SLC16A5: variants seen among roughly 807,000 people sequenced by gnomAD.
SLC16A5 encodes the protein monocarboxylate transporter 6.
Under a neutral mutation model 33.2 loss-of-function variants are expected in SLC16A5, and 29 were observed. The observed-to-expected ratio is 0.87, with a 90% CI of 0.65 to 1.19. SLC16A5 has a LOEUF of 1.19. SLC16A5 is among the 50% of genes most tolerant of loss of function. The pLI is 0.00. For synonymous variants in SLC16A5, 248 were observed against 284.1 expected (o/e 0.87, Z 1.28); for missense variants, 606 against 678.2 (o/e 0.89, Z 1.18).
intron 3 of SLC16A5, 60 bp from the exon 4 acceptor site, chr17:75,097,978 C>A: frequency 1.7e-6 from 1 of 601,862 alleles, no homozygotes; most frequent in Non-Finnish European, 2.3e-6. Flanking sequence ...TCCAGCCACT[C>A]TCCTCCTCTC....
chr17:75,092,028 G>GGTGTGTGTGTGTGT (rs535726400), intron 2 of SLC16A5, among the ~76,000 whole-genome samples: 5 of 149,602 alleles, frequency 3.3e-5, no homozygotes, highest in African/African-American at 9.9e-5. Flanking sequence ...ATGTGAGGGG[G>GGTGTGTGTGTGTGT]GTGTGTGTGT....
chr17:75,105,862 T>G lies in SLC16A5; in HGVS notation c.1365-18T>G, dbSNP rs890957675. On this transcript the variant is annotated intron_variant, in intron 6 of 6. Transcript: ENST00000329783. Reference sequence around the variant, plus strand: ...TCCGCAAGAAAACCTTATCAGGAGATTTTATTTTCATGAACAGGTGCCAGT... The same window carrying G: ...TCCGCAAGAAAACCTTATCAGGAGAGTTTATTTTCATGAACAGGTGCCAGT... 1.3e-6 allele frequency: 2 copies of G among 1,569,612 alleles called. No individual in the cohort carries two copies. Among genetic ancestry groups the G allele is most frequent in the African/African-American group, 1.4e-5 (1 of 73,740 alleles).
chr17:75,109,922 C>CCCCGCCCCTCGCCTGCCTCGT (rs533465135), downstream of SLC16A5: 3,573 of 228,296 alleles, frequency 0.016, 51 homozygotes, highest in Non-Finnish European at 0.024. This position sits in a 1 kb window ranked among gnomAD's most constrained non-coding sequence, Gnocchi z 5.0. Context: ...TCGGCGACGG[C>CCCCGCCCCTCGCCTGCCTCGT]CCCGCCCCTT....
At chr17:75,089,566 C>T (rs1286826854) in intron 2 of SLC16A5, among the ~76,000 whole-genome samples, 1 of 151,794 alleles carries the variant, frequency 6.6e-6, no homozygotes, top group Non-Finnish European at 1.5e-5. Flanking sequence ...ACCACCTGGC[C>T]GATATGGTGA....
In SLC16A5 at chr17:75,104,108, C is replaced by A; in HGVS notation, c.1292C>A (p.Ala431Glu). ...GAGCAAGGCAAGCAGGCTGTCGCGG[C>A]GGATGCCCTGGAGCGGGATCTTTTC... ...KKEQGKQAVA[A>E]DALERDLFLE... The change falls in exon 6 of 7, where the codon GCG becomes GAG. Residue 431 changes from alanine (A) to glutamate (E), a missense_variant. Ala to Glu is a moderately radical substitution (Grantham distance 107). Coordinates refer to ENST00000329783, the MANE Select transcript of SLC16A5 (RefSeq NM_004695.4). The A allele has an allele frequency of 6.2e-7, 1 of 1,614,238 alleles. No homozygotes were observed. Among genetic ancestry groups the A allele is most frequent in the Non-Finnish European group, 8.5e-7 (1 of 1,180,046 alleles).
chr17:75,103,314 G>A (rs2073823093), intron 5 of SLC16A5, among the ~76,000 whole-genome samples: 1 of 149,444 alleles, frequency 6.7e-6, no homozygotes, highest in African/African-American at 2.5e-5. Context: ...GTGAGCCACT[G>A]TGCCCATCCA....
chr17:75,101,788 C>A (rs1481968394), intron 5 of SLC16A5, among the ~76,000 whole-genome samples: 1 of 151,808 alleles, frequency 6.6e-6, no homozygotes, highest in East Asian at 2.0e-4. Context: ...GCACATGCCA[C>A]CACACCCAGC....
chr17:75,098,396 A>G (rs1402598124), intron 4 of SLC16A5, among the ~76,000 whole-genome samples: 1 of 151,944 alleles, frequency 6.6e-6, no homozygotes, highest in Non-Finnish European at 1.5e-5. Context: ...AACCCTGTCT[A>G]TACTAAAAAA....
rs114487026 is a variant in SLC16A5 at position 75,100,089 on chromosome 17, G to T, written c.426G>T (p.Ala142=). ...TCCGCCGGCGGGTGCTGGCCAACGCGCTGGCCTCGATGGGCGTCTCCCTGG... is the reference window on the plus strand; with the variant it reads ...TCCGCCGGCGGGTGCTGGCCAACGCTCTGGCCTCGATGGGCGTCTCCCTGG... ...YFVRRRVLAN[A]LASMGVSLGI... is the part of the protein sequence containing the mutation. Residue 142 remains alanine, a synonymous_variant, in exon 5 of 7, where the codon GCG becomes GCT. Coordinates refer to ENST00000329783, the MANE Select transcript of SLC16A5 (RefSeq NM_004695.4). The T allele has an allele frequency of 3.4e-5, 55 of 1,613,882 alleles. No individual in the cohort carries two copies. The East Asian group carries it at 1.1e-3, about 32-fold the overall frequency.
At position 75,100,477 on chromosome 17, in the gene SLC16A5, C is replaced by A. The variant is rs987426692; in HGVS notation, c.814C>A (p.Gln272Lys). The A allele has an allele frequency of 6.2e-7, 1 of 1,614,228 alleles. No individual in the cohort carries two copies. The highest frequency in any genetic ancestry group is 2.2e-5 in the East Asian group (1 of 44,882). The change falls in exon 5 of 7, where the codon CAG (glutamine) becomes AAG (lysine). Residue 272 changes from glutamine to lysine, a missense_variant. Physicochemically the swap from Gln to Lys is moderately conservative, Grantham distance 53. Transcript: ENST00000329783. ...YAMWHSVDEQQAALLISIIGF... is the reference protein window; with the variant it reads ...YAMWHSVDEQKAALLISIIGF... ...CATGTGGCACAGCGTGGACGAGCAGCAGGCAGCCCTCCTCATCTCCATCAT... is the reference window on the plus strand; with the variant it reads ...CATGTGGCACAGCGTGGACGAGCAGAAGGCAGCCCTCCTCATCTCCATCAT...
chr17:75,103,845 A>G (rs1345333739), intron 5 of SLC16A5, 125 bp from the exon 6 acceptor site: 18 of 783,376 alleles, frequency 2.3e-5, no homozygotes, highest in Middle Eastern at 2.6e-4. Context: ...TTGAGTGTCT[A>G]CTGGGTGTCA....
rs553578288 is a variant in SLC16A5 at position 75,104,054 on chromosome 17, G to T, written c.1238G>T (p.Gly413Val). The change falls in exon 6 of 7, where the codon GGT becomes GTT. Residue 413 changes from glycine to valine, a missense_variant. Transcript: ENST00000329783. ...CTCATCTCAGCTGCCCTCTTCATGG[G>T]TGGCAGCTTCTACGCCCTGCAGAAG... is the stretch of plus-strand genomic sequence containing the variant. Reference protein sequence around the residue: ...FFLISAALFMGGSFYALQKKE... With the variant: ...FFLISAALFMVGSFYALQKKE... 5 of 1,614,220 alleles carry T rather than the reference G, an allele frequency of 3.1e-6. No individual in the cohort carries two copies. In the East Asian group the frequency reaches 6.7e-5, roughly 22 times the overall value.
chr17:75,106,592 T>TAAAA (rs1381571531), downstream of SLC16A5, among the ~76,000 whole-genome samples: 769 of 93,440 alleles, frequency 8.2e-3, 18 homozygotes, highest in African/African-American at 0.03. Flanking sequence ...GTCTTTTTTT[T>TAAAA]AAAAAAAAAA....
At chr17:75,096,400 G>C (rs1053293410) in intron 3 of SLC16A5, among the ~76,000 whole-genome samples, 2 of 150,264 alleles carry the variant, frequency 1.3e-5, no homozygotes, top group South Asian at 2.1e-4. Flanking sequence ...AGTCTCTGGC[G>C]TGAGGAAGCT....
rs778534110 is a variant in SLC16A5, at chr17:75,100,307, G to A, written c.644G>A (p.Cys215Tyr). 1 of 1,614,208 alleles carries A rather than the reference G, an allele frequency of 6.2e-7. No individual in the cohort carries two copies. Among genetic ancestry groups the A allele is most frequent in the Non-Finnish European group, 8.5e-7 (1 of 1,180,038 alleles). ...PPPPETPALG[C>Y]LAACGRTIQR... is the part of the protein sequence containing the mutation. ...CCTCCCGAGACACCTGCACTTGGCT[G>A]CCTGGCTGCATGCGGCCGGACCATC... The change falls in exon 5 of 7, where the codon TGC becomes TAC. Residue 215 changes from cysteine (C) to tyrosine (Y), a missense_variant. Cys to Tyr is a radical substitution (Grantham distance 194). Coordinates refer to ENST00000329783, the MANE Select transcript of SLC16A5 (RefSeq NM_004695.4).
intron 3 of SLC16A5, among the ~76,000 whole-genome samples, chr17:75,097,502 G>A (rs1019971904): frequency 8.0e-6 from 1 of 124,540 alleles, no homozygotes; most frequent in Non-Finnish European, 1.7e-5. Flanking sequence ...GCGCAGAGGG[G>A]CCCAGGGTTC....
At chr17:75,105,347 G>A (rs2073849891) in intron 6 of SLC16A5, 1 of 985,462 alleles carries the variant, frequency 1.0e-6, no homozygotes, top group Non-Finnish European at 1.2e-6. Context: ...ACATTTGACT[G>A]ACGGGAGAGG....
rs1301006030 is a variant in SLC16A5, at chr17:75,093,331, G to T, written c.-48-258G>T. 3 of 1,392,318 alleles carry T rather than the reference G, an allele frequency of 2.2e-6. No homozygotes were observed. The Admixed American group carries it at 6.0e-5, about 28-fold the overall frequency. 86.2% of individuals were successfully genotyped at this position (1,392,318 alleles called of 1,614,324 possible). A position where few individuals can be genotyped will look rare whatever the true frequency, so the allele number is the denominator to read the frequency against. ...TGCCTGGTGCCACCTGCCCTGCCCCGTCCTGTCCCTCCTATCCCTCCTGTC... is the reference window on the plus strand; with the variant it reads ...TGCCTGGTGCCACCTGCCCTGCCCCTTCCTGTCCCTCCTATCCCTCCTGTC... On this transcript the variant is annotated intron_variant, in intron 2 of 6. Coordinates refer to ENST00000329783, the MANE Select transcript of SLC16A5 (RefSeq NM_004695.4).
At chr17:75,109,939 T>G, downstream of SLC16A5, 2 of 240,522 alleles carry the variant, frequency 8.3e-6, no homozygotes. The surrounding 1 kb of genome is among the most constrained non-coding windows in gnomAD (Gnocchi z 5.0). Flanking sequence ...CCTTCGGGGG[T>G]AGGGACAGCG....
Sources: gnomAD v4.1 joint callset for allele counts (sites outside exome capture counted in the v4.1 genomes callset) on GRCh38, gnomAD v4.1.1 for gene constraint, Gnocchi (gnomAD v3.1) non-coding constraint, MANE v1.5 for transcripts, NCBI Gene and HGNC (gene_info 2026-07-23, HGNC 2026-07-21) for gene names.